The following CENPF variants were observed in gnomAD, a reference collection of about 807,000 sequenced individuals.
The protein encoded by CENPF is AH antigen.
A neutral mutation model predicts 307.3 loss-of-function variants in CENPF; 214 were observed. The observed-to-expected ratio is 0.70, with a 90% confidence interval of 0.62 to 0.78. The LOEUF (loss-of-function observed/expected upper bound fraction) is 0.78. Among genes scored for constraint, CENPF ranks in the 30% least tolerant of loss-of-function variants. The pLI is 0.00. For synonymous variants in CENPF, 1,259 were observed against 1,270.6 expected (o/e 0.99, Z 0.19); for missense variants, 3,401 against 3,483.9 (o/e 0.98, Z 0.60).
At chr1:214,607,696 A>G (rs1027848380) in intron 1 of CENPF, among the ~76,000 whole-genome samples, 2 of 152,128 alleles carry the variant, frequency 1.3e-5, no homozygotes, top group Non-Finnish European at 2.9e-5. Context: ...CTCCTCATCC[A>G]AAGCAGCACT....
chr1:214,655,860 G>A (rs1658617448), intron 17 of CENPF, among the ~76,000 whole-genome samples: 1 of 152,092 alleles, frequency 6.6e-6, no homozygotes, highest in Admixed American at 6.5e-5. Flanking sequence ...CAAAGTGCTG[G>A]GATTATAGGC....
In CENPF at chr1:214,642,520, A is replaced by G. The variant is rs150367049; in HGVS notation, c.4182A>G (p.Thr1394=). ...AGAGTAATTCCTACGAGCACTTGACATTGTCAGACAAAGAAGTTCAAATGC... is the reference window on the plus strand; with the variant it reads ...AGAGTAATTCCTACGAGCACTTGACGTTGTCAGACAAAGAAGTTCAAATGC... The part of the protein sequence containing the change: ...LDESNSYEHL[T]LSDKEVQMHF... The change falls in exon 12 of 20, where the codon ACA becomes ACG. Residue 1394 remains threonine, a synonymous_variant. Coordinates refer to ENST00000366955, the MANE Select transcript of CENPF (RefSeq NM_016343.4). 4.1e-3 allele frequency: 6,553 copies of G among 1,612,300 alleles called. 20 individuals are homozygous for G. The highest frequency in any genetic ancestry group is 4.5e-3 in the Non-Finnish European group (5,300 of 1,179,186).
intron 10 of CENPF, among the ~76,000 whole-genome samples, chr1:214,636,090 A>G (rs1446203697): frequency 6.6e-6 from 1 of 152,174 alleles, no homozygotes. Context: ...TGTTGACCTC[A>G]TTCAGCTGAT....
chr1:214,648,956 G>C lies in CENPF; in HGVS notation c.7983+129G>C, dbSNP rs544696867. 10 of 892,668 alleles carry C rather than the reference G, an allele frequency of 1.1e-5. No homozygotes were observed. The East Asian group carries it at 2.6e-4, about 23-fold the overall frequency. The allele number at this position is 892,668 out of a possible 1,614,324, so 55.3% of individuals were successfully genotyped here. On this transcript the variant is annotated intron_variant, in intron 14 of 19. Transcript: ENST00000366955. ...TAGCTCTTGAAAAAAATAACCCTGTGCTTATGTCATAATCTGATTTATAGT... is the reference window on the plus strand; with the variant it reads ...TAGCTCTTGAAAAAAATAACCCTGTCCTTATGTCATAATCTGATTTATAGT...
chr1:214,636,540 C>T (rs905032960), intron 10 of CENPF, among the ~76,000 whole-genome samples: 4 of 152,136 alleles, frequency 2.6e-5, no homozygotes, highest in Non-Finnish European at 2.9e-5. Context: ...TATACATGAA[C>T]GGAGCAGCTG....
At chr1:214,625,945 A>AT (rs1397344420) in intron 7 of CENPF, among the ~76,000 whole-genome samples, 1 of 152,136 alleles carries the variant, frequency 6.6e-6, no homozygotes, top group African/African-American at 2.4e-5. Context: ...TCTTAAACAT[A>AT]TTTTAAAAAG....
intron 2 of CENPF, among the ~76,000 whole-genome samples, chr1:214,614,286 C>T (rs1368536846): frequency 1.3e-5 from 2 of 152,048 alleles, no homozygotes; most frequent in African/African-American, 4.8e-5. Context: ...GGTGTCTGCT[C>T]CTAATCTGGG....
At chr1:214,627,369 C>CTTTTTTTT (rs10686407) in intron 7 of CENPF, among the ~76,000 whole-genome samples, 1 of 83,964 alleles carries the variant, frequency 1.2e-5, no homozygotes, top group Non-Finnish European at 2.1e-5. Context: ...CCCTCAGGCT[C>CTTTTTTTT]TTTTTTTTTT....
chr1:214,648,432 C>A, intron 13 of CENPF: 1 of 657,058 alleles, frequency 1.5e-6, no homozygotes, highest in Non-Finnish European at 2.8e-6. Context: ...GGGATATTAT[C>A]TTTCCTTGTC....
chr1:214,621,180 G>A (rs543322742), intron 6 of CENPF, among the ~76,000 whole-genome samples: 1 of 152,336 alleles, frequency 6.6e-6, no homozygotes, highest in African/African-American at 2.4e-5. Context: ...AGCCTCTAAA[G>A]TACGTTGAGA....
chr1:214,628,403 T>C (rs912879540), intron 7 of CENPF, among the ~76,000 whole-genome samples: 1 of 152,210 alleles, frequency 6.6e-6, no homozygotes, highest in African/African-American at 2.4e-5. Flanking sequence ...TCCTGAGATT[T>C]GTTAAACTTT....
In CENPF at chr1:214,657,384, G is replaced by A. The variant is rs1451732881; in HGVS notation, c.8937G>A (p.Glu2979=). The A allele has an allele frequency of 3.1e-6, 5 of 1,608,560 alleles. No individual in the cohort carries two copies. The highest frequency in any genetic ancestry group is 4.2e-6 in the Non-Finnish European group (5 of 1,178,786). The change falls in exon 18 of 20, where the codon GAG becomes GAA. Residue 2979 remains glutamate, a synonymous_variant. Coordinates refer to ENST00000366955, the MANE Select transcript of CENPF (RefSeq NM_016343.4). ...CGGAAGGTACTGAGTTTGAGCCAGA[G>A]GGACTTCCAGAAGTTGTAAAGAAAG... is the stretch of plus-strand genomic sequence containing the variant. The part of the protein sequence containing the change: ...EDTEGTEFEP[E]GLPEVVKKGF...
At chr1:214,606,676 C>A (rs1657042743) in intron 1 of CENPF, among the ~76,000 whole-genome samples, 1 of 152,222 alleles carries the variant, frequency 6.6e-6, no homozygotes, top group East Asian at 1.9e-4. Context: ...GGAGGTGGCA[C>A]CCCCTCCCAC....
intron 1 of CENPF, among the ~76,000 whole-genome samples, chr1:214,610,300 A>G (rs994633426): frequency 2.0e-5 from 3 of 151,658 alleles, no homozygotes; most frequent in African/African-American, 7.3e-5. Flanking sequence ...ACTAATTTGC[A>G]CTCCCACCAA....
Position 214,642,489 on chromosome 1 carries a change from T to G in CENPF, c.4151T>G (p.Leu1384Trp), listed in dbSNP as rs1007161686. 2.5e-6 allele frequency: 4 copies of G among 1,609,208 alleles called. No homozygotes were observed. The highest frequency in any genetic ancestry group is 3.4e-6 in the Non-Finnish European group (4 of 1,177,772). ...NEQHPVSLAP[L>W]DESNSYEHLT... ...CAGCACCCTGTGTCTTTGGCTCCATTGGACGAGAGTAATTCCTACGAGCAC... is the reference window on the plus strand; with the variant it reads ...CAGCACCCTGTGTCTTTGGCTCCATGGGACGAGAGTAATTCCTACGAGCAC... Residue 1384 changes from leucine (L) to tryptophan (W), a missense_variant, in exon 12 of 20, where the codon TTG (leucine) becomes TGG (tryptophan). Transcript: ENST00000366955.
Position 214,642,431 on chromosome 1 carries a change from C to A in CENPF, c.4093C>A (p.Pro1365Thr), listed in dbSNP as rs1658150125. ...CCATGGTGAGTTAGTGGAAGACATA[C>A]CAGGAGGTGAATTTGGTGAACAACC... The part of the protein sequence containing the change: ...LLHGELVEDI[P>T]GGEFGEQPNE... Residue 1365 changes from proline (P) to threonine (T), a missense_variant, in exon 12 of 20, where the codon CCA becomes ACA. Pro to Thr is a conservative substitution (Grantham distance 38). Coordinates refer to ENST00000366955, the MANE Select transcript of CENPF (RefSeq NM_016343.4). 1.3e-6 allele frequency: 2 copies of A among 1,596,022 alleles called. No individual in the cohort carries two copies.
In CENPF at chr1:214,643,004, T is replaced by C. The variant is rs1658175121; in HGVS notation, c.4666T>C (p.Cys1556Arg). 6.2e-7 allele frequency: 1 copy of C among 1,609,668 alleles called. No individual in the cohort carries two copies. The highest frequency in any genetic ancestry group is 8.5e-7 in the Non-Finnish European group (1 of 1,178,794). ...GGGTGTTGAAGAGCTTGAGTCCCTC[T>C]GTGAGGTGTACCGGCAGTCCCTCGA... ...AKGVEELESLCEVYRQSLEKL... is the reference protein window; with the variant it reads ...AKGVEELESLREVYRQSLEKL... The change falls in exon 12 of 20, where the codon TGT becomes CGT. Residue 1556 changes from cysteine (C) to arginine (R), a missense_variant. By Grantham distance (180) the Cys-to-Arg change is radical. Transcript: ENST00000366955.
At position 214,642,603 on chromosome 1, in the gene CENPF, A is replaced by C. The variant is rs1337279088; in HGVS notation, c.4265A>C (p.His1422Pro). ...LSLQSEHKIL[H>P]DQHCQMSSKM... is the part of the protein sequence containing the mutation. ...TTACAAAGTGAACACAAAATTTTAC[A>C]TGATCAGCACTGTCAGATGAGCTCT... Residue 1422 changes from histidine (H) to proline (P), a missense_variant, in exon 12 of 20, where the codon CAT becomes CCT. Coordinates refer to ENST00000366955, the MANE Select transcript of CENPF (RefSeq NM_016343.4). 1 of 1,609,148 alleles carries C rather than the reference A, an allele frequency of 6.2e-7. No homozygotes were observed. The highest frequency in any genetic ancestry group is 1.7e-5 in the Admixed American group (1 of 59,262).
chr1:214,613,061 G>T, intron 1 of CENPF: 1 of 340,736 alleles, frequency 2.9e-6, no homozygotes, highest in South Asian at 3.5e-5. Flanking sequence ...GATGCTACAT[G>T]AATTCTGCCA....
Sources: allele counts gnomAD v4.1 joint callset (sites outside exome capture counted in the v4.1 genomes callset), GRCh38; gene constraint gnomAD v4.1.1; transcripts MANE v1.5; gene names NCBI Gene and HGNC (gene_info 2026-07-23, HGNC 2026-07-21).